DLGAP5: variants seen among roughly 807,000 people sequenced by gnomAD.
DLGAP5 encodes the protein disks large-associated protein 5.
In DLGAP5, 90 loss-of-function variants were observed where a neutral mutation model predicts 99.6. The ratio of observed to expected loss-of-function variants is 0.90; its 90% CI spans 0.76 to 1.08. The LOEUF is 1.08. Ranked by LOEUF, DLGAP5 falls within the 50% of genes least tolerant of loss-of-function variation. The pLI is 0.00. For synonymous variants in DLGAP5, 311 were observed against 321.3 expected (o/e 0.97, Z 0.34); for missense variants, 1,036 against 983.5 (o/e 1.05, Z -0.71).
At position 55,154,685 on chromosome 14, in the gene DLGAP5, A is replaced by G. The variant is rs1284472189; in HGVS notation, c.1995T>C (p.Asn665=). Residue 665 remains asparagine, a synonymous_variant, in exon 15 of 19, where the codon AAT becomes AAC. Transcript: ENST00000247191. The part of the protein sequence containing the change: ...GIPQQTTSPE[N]AGPQNTKSEH... ...CACTTTTCGTATTCTGAGGACCGGC[A>G]TTTTCTGGTGATGTAGTTTGTTGTG... 1.9e-6 allele frequency: 3 copies of G among 1,614,086 alleles called. No individual in the cohort carries two copies. Among genetic ancestry groups the G allele is most frequent in the East Asian group, 4.5e-5 (2 of 44,866 alleles).
Position 55,154,633 on chromosome 14 carries a change from TCAAAAA to T in DLGAP5, c.2041_2046del (p.Phe681_Leu682del). On this transcript the variant is annotated inframe_deletion, in exon 15 of 19. Coordinates refer to ENST00000247191, the MANE Select transcript of DLGAP5 (RefSeq NM_014750.5). ...AAGAAATACCTGCTTTCAGGAATAC[TCAAAAA>T]CAAAGTCTTCTTCACATGTTCACTT... 5 of 1,614,022 alleles carry T rather than the reference TCAAAAA, an allele frequency of 3.1e-6. No individual in the cohort carries two copies. The highest frequency in any genetic ancestry group is 4.2e-6 in the Non-Finnish European group (5 of 1,179,924).
chr14:55,178,636 A>G (rs1883165377), intron 7 of DLGAP5, among the ~76,000 whole-genome samples: 1 of 152,228 alleles, frequency 6.6e-6, no homozygotes, highest in Admixed American at 6.5e-5. Flanking sequence ...GGGGACCTAT[A>G]AGGTCCAGCT....
At chr14:55,163,967 C>G (rs756086274) in intron 12 of DLGAP5, among the ~76,000 whole-genome samples, 1 of 152,164 alleles carries the variant, frequency 6.6e-6, no homozygotes, top group Non-Finnish European at 1.5e-5. Flanking sequence ...TTCTCCGAAT[C>G]TGTGCCTTGT....
At chr14:55,181,551 A>G (rs1883276828) in intron 4 of DLGAP5, among the ~76,000 whole-genome samples, 1 of 152,212 alleles carries the variant, frequency 6.6e-6, no homozygotes, top group Non-Finnish European at 1.5e-5. Context: ...ACAGCTCACT[A>G]TAACTTGCCT....
intron 13 of DLGAP5, among the ~76,000 whole-genome samples, chr14:55,159,662 T>C (rs188090941): frequency 9.7e-4 from 147 of 152,282 alleles, no homozygotes; most frequent in African/African-American, 3.3e-3. Flanking sequence ...GCTGTCAGTT[T>C]GGGATATATT....
chr14:55,148,329 A>G lies in DLGAP5; in HGVS notation c.*22T>C. ...ATAAGCATTGATAATATGAAGGAAA[A>G]TGTTTGGATTTATTTTTAAATTCAA... On this transcript the variant is annotated 3_prime_UTR_variant, in exon 19 of 19. Transcript: ENST00000247191. The G allele has an allele frequency of 6.2e-7, 1 of 1,610,694 alleles. No homozygotes were observed. The highest frequency in any genetic ancestry group is 8.5e-7 in the Non-Finnish European group (1 of 1,178,244).
At chr14:55,169,980 C>G (rs985196824) in intron 11 of DLGAP5, among the ~76,000 whole-genome samples, 1 of 151,944 alleles carries the variant, frequency 6.6e-6, no homozygotes, top group Non-Finnish European at 1.5e-5. Flanking sequence ...ACTAAAAATA[C>G]AAAAATCAGC....
rs368532741 is a variant in DLGAP5 at position 55,181,246 on chromosome 14, A to G, written c.547T>C (p.Ser183Pro). 12 of 1,614,084 alleles carry G rather than the reference A, an allele frequency of 7.4e-6. No individual in the cohort carries two copies. Among genetic ancestry groups the G allele is most frequent in the Non-Finnish European group, 1.0e-5 (12 of 1,180,002 alleles). Reference protein sequence around the residue: ...RAIRPGPRQTSEKKVSDKEKK... With the variant: ...RAIRPGPRQTPEKKVSDKEKK... Reference sequence around the variant, plus strand: ...TCTTTGTCTGACACTTTCTTTTCAGAAGTTTGTCTTGGACCAGGTCGGATT... The same window carrying G: ...TCTTTGTCTGACACTTTCTTTTCAGGAGTTTGTCTTGGACCAGGTCGGATT... The change falls in exon 5 of 19, where the codon TCT (serine) becomes CCT (proline). Residue 183 changes from serine to proline, a missense_variant. Transcript: ENST00000247191.
At chr14:55,165,292 G>A (rs924878166) in intron 12 of DLGAP5, among the ~76,000 whole-genome samples, 1 of 152,076 alleles carries the variant, frequency 6.6e-6, no homozygotes, top group African/African-American at 2.4e-5. Flanking sequence ...GGCTGAGAAG[G>A]GTGGATCGCT....
At chr14:55,190,757 ACC>A (rs1883587902) in intron 1 of DLGAP5, among the ~76,000 whole-genome samples, 1 of 152,180 alleles carries the variant, frequency 6.6e-6, no homozygotes, top group Non-Finnish European at 1.5e-5. Context: ...CTCCTCTAAG[ACC>A]CAAGGAAAGT....
At chr14:55,175,137 A>G (rs970137655) in intron 10 of DLGAP5, among the ~76,000 whole-genome samples, 25 of 152,280 alleles carry the variant, frequency 1.6e-4, no homozygotes, top group African/African-American at 6.0e-4. Flanking sequence ...CAGTGCTGAG[A>G]AGAAGTCTTC....
At chr14:55,166,078 C>A (rs1318758522) in intron 12 of DLGAP5, among the ~76,000 whole-genome samples, 3 of 152,166 alleles carry the variant, frequency 2.0e-5, no homozygotes, top group African/African-American at 7.2e-5. Flanking sequence ...TAAAAAGATA[C>A]ATCCACACTA....
rs768902425 is a variant in DLGAP5, at chr14:55,189,099, T to C, written c.81A>G (p.Lys27=). Residue 27 remains lysine (K), a synonymous_variant, in exon 2 of 19, where the codon AAA becomes AAG. Coordinates refer to ENST00000247191, the MANE Select transcript of DLGAP5 (RefSeq NM_014750.5). ...EMIRTKIAHR[K]SLSQKENRHK... is the part of the protein sequence containing the mutation. ...GTCTATTTTCTTTCTGAGACAGTGA[T>C]TTCCTATGAGCAATTTTAGTTCTAA... is the stretch of plus-strand genomic sequence containing the variant. 6.2e-7 allele frequency: 1 copy of C among 1,614,022 alleles called. No homozygotes were observed. Among genetic ancestry groups the C allele is most frequent in the East Asian group, 2.2e-5 (1 of 44,826 alleles).
intron 13 of DLGAP5, among the ~76,000 whole-genome samples, chr14:55,160,427 T>G (rs1051229941): frequency 6.6e-6 from 1 of 151,500 alleles, no homozygotes; most frequent in Non-Finnish European, 1.5e-5. Context: ...TATTTAATAC[T>G]GCAGAAAGGT....
rs754942948 is a variant in DLGAP5 at position 55,182,407 on chromosome 14, G to A, written c.458C>T (p.Thr153Ile). 2.5e-6 allele frequency: 4 copies of A among 1,612,794 alleles called. No individual in the cohort carries two copies. Among genetic ancestry groups the A allele is most frequent in the Middle Eastern group, 1.7e-4 (1 of 6,050 alleles). The change falls in exon 4 of 19, where the codon ACA (threonine) becomes ATA (isoleucine). Residue 153 changes from threonine (T) to isoleucine (I), a missense_variant. Physicochemically the swap from Thr to Ile is moderately conservative, Grantham distance 89. Coordinates refer to ENST00000247191, the MANE Select transcript of DLGAP5 (RefSeq NM_014750.5). ...KKAIPSSVRI[T>I]RSKAKDQMEQ... ...CATTTGGTCTTTGGCCTTTGACCTT[G>A]TAATCCGTACAGAAGATGGAATAGC...
At chr14:55,160,702 C>G (rs938877429) in intron 13 of DLGAP5, among the ~76,000 whole-genome samples, 24 of 152,042 alleles carry the variant, frequency 1.6e-4, no homozygotes, top group Admixed American at 1.6e-3. Flanking sequence ...CTCAGCCTCC[C>G]AAAGTGCTGG....
chr14:55,186,601 C>T (rs1354991909), intron 2 of DLGAP5, among the ~76,000 whole-genome samples: 1 of 152,092 alleles, frequency 6.6e-6, no homozygotes, highest in African/African-American at 2.4e-5. Flanking sequence ...TGTTTATTTA[C>T]TCATTCCTCC....
chr14:55,166,159 A>G (rs942193804), intron 12 of DLGAP5, among the ~76,000 whole-genome samples: 1 of 152,238 alleles, frequency 6.6e-6, no homozygotes, highest in East Asian at 1.9e-4. Flanking sequence ...ATGACCATCA[A>G]TTGGTGAATA....
At position 55,182,417 on chromosome 14, in the gene DLGAP5, C is replaced by A. The variant is rs1883308702; in HGVS notation, c.448G>T (p.Val150Leu). 1.2e-6 allele frequency: 2 copies of A among 1,612,632 alleles called. No homozygotes were observed. The highest frequency in any genetic ancestry group is 1.3e-5 in the African/African-American group (1 of 74,958). The change falls in exon 4 of 19, where the codon GTA becomes TTA. Residue 150 changes from valine to leucine, a missense_variant. Coordinates refer to ENST00000247191, the MANE Select transcript of DLGAP5 (RefSeq NM_014750.5). ...TTGGCCTTTGACCTTGTAATCCGTA[C>A]AGAAGATGGAATAGCCTTAGAACAG... is the stretch of plus-strand genomic sequence containing the variant. The part of the protein sequence containing the change: ...AEPKKAIPSS[V>L]RITRSKAKDQ...
Sources: gnomAD v4.1 joint callset for allele counts (sites outside exome capture counted in the v4.1 genomes callset) on GRCh38, gnomAD v4.1.1 for gene constraint, MANE v1.5 for transcripts, NCBI Gene and HGNC (gene_info 2026-07-23, HGNC 2026-07-21) for gene names.